ALPK1: variants seen among roughly 807,000 people sequenced by gnomAD.
The protein encoded by ALPK1 is alpha kinase 1.
In ALPK1, 110 loss-of-function variants were observed where a neutral mutation model predicts 120.6. That is an observed-to-expected ratio of 0.91 (90% CI 0.78 to 1.07). The LOEUF is 1.07. Among genes scored for constraint, ALPK1 ranks in the 50% least tolerant of loss-of-function variants. ALPK1 has a pLI of 0.00. For missense variants in ALPK1, 1,498 were observed against 1,483.9 expected (o/e 1.01, Z -0.16); for synonymous variants, 582 against 560.3 (o/e 1.04, Z -0.55).
At position 112,439,668 on chromosome 4, in the gene ALPK1, C is replaced by T. The variant is rs777361113; in HGVS notation, c.3352-18C>T. 17 of 1,589,196 alleles carry T rather than the reference C, an allele frequency of 1.1e-5. No individual in the cohort carries two copies. The Admixed American group carries it at 1.1e-4, about 10-fold the overall frequency. ...CCTTTACCATTATGCTGTAATGTTTCTCATTGCTATTTTTCAGATTTTAGA... is the reference window on the plus strand; with the variant it reads ...CCTTTACCATTATGCTGTAATGTTTTTCATTGCTATTTTTCAGATTTTAGA... On this transcript the variant is annotated intron_variant, in intron 13 of 15. Transcript: ENST00000650871.
intron 1 of ALPK1, chr4:112,302,284 T>C (rs889236965): frequency 6.6e-6 from 1 of 152,208 alleles, no homozygotes; most frequent in Admixed American, 6.5e-5. Context: ...CCTAAAGGCT[T>C]CTGGAGAAAA....
chr4:112,402,479 T>C (rs1321262861), intron 4 of ALPK1, among the ~76,000 whole-genome samples: 1 of 152,234 alleles, frequency 6.6e-6, no homozygotes, highest in Non-Finnish European at 1.5e-5. Flanking sequence ...CATCTGTGTA[T>C]CGAAATCTCA....
At chr4:112,367,329 T>G (rs978497039) in intron 2 of ALPK1, among the ~76,000 whole-genome samples, 7 of 152,236 alleles carry the variant, frequency 4.6e-5, no homozygotes. Context: ...TATTAACTGG[T>G]TATTTCTAGT....
At chr4:112,307,527 T>C (rs974619590) in intron 1 of ALPK1, among the ~76,000 whole-genome samples, 2 of 152,112 alleles carry the variant, frequency 1.3e-5, no homozygotes, top group Non-Finnish European at 2.9e-5. Context: ...CTTTTGATCT[T>C]TGTTGGTTTA....
At chr4:112,363,627 C>T (rs1296079447) in intron 2 of ALPK1, among the ~76,000 whole-genome samples, 7 of 151,996 alleles carry the variant, frequency 4.6e-5, no homozygotes, top group South Asian at 4.1e-4. Flanking sequence ...AGTACTCCAC[C>T]GACAGCACTA....
chr4:112,400,545 T>G (rs1185282624), intron 4 of ALPK1, among the ~76,000 whole-genome samples: 1 of 152,176 alleles, frequency 6.6e-6, no homozygotes, highest in Non-Finnish European at 1.5e-5. Context: ...AATCATAAAT[T>G]TAAAGTATCA....
At chr4:112,389,674 G>C (rs1258242883) in intron 4 of ALPK1, among the ~76,000 whole-genome samples, 1 of 152,218 alleles carries the variant, frequency 6.6e-6, no homozygotes, top group Non-Finnish European at 1.5e-5. Flanking sequence ...TAAGATTTCA[G>C]TCTTGCAATG....
chr4:112,427,473 T>C (rs1734289382), intron 8 of ALPK1, 97 bp from the exon 9 acceptor site: 2 of 714,866 alleles, frequency 2.8e-6, no homozygotes, highest in Non-Finnish European at 4.8e-6. Flanking sequence ...AGGCAAATAG[T>C]TCATATGGAG....
intron 2 of ALPK1, among the ~76,000 whole-genome samples, chr4:112,324,973 A>G (rs1051761312): frequency 1.9e-5 from 2 of 107,458 alleles, no homozygotes; most frequent in African/African-American, 7.0e-5. Flanking sequence ...AACCAAAAAA[A>G]AGGGGGGGGG....
intron 2 of ALPK1, chr4:112,357,541 A>G: frequency 1.8e-6 from 2 of 1,094,624 alleles, no homozygotes; most frequent in Non-Finnish European, 1.4e-6. Flanking sequence ...CATCTGCTTT[A>G]TCATCCTCAC....
At chr4:112,401,339 G>C (rs1732906127) in intron 4 of ALPK1, among the ~76,000 whole-genome samples, 1 of 152,208 alleles carries the variant, frequency 6.6e-6, no homozygotes, top group African/African-American at 2.4e-5. Flanking sequence ...TGAATTGTAT[G>C]GGTGTCCCAG....
At chr4:112,342,972 A>T (rs1729925071) in intron 2 of ALPK1, 1 of 152,580 alleles carries the variant, frequency 6.6e-6, no homozygotes, top group African/African-American at 2.4e-5. Flanking sequence ...GGTACAGAAC[A>T]AGTAAATGTT....
chr4:112,384,425 G>T (rs1297433955), intron 4 of ALPK1: 2 of 152,194 alleles, frequency 1.3e-5, no homozygotes, highest in African/African-American at 2.4e-5. Context: ...GAATGGGACC[G>T]AAGAACTGAA....
rs112649986 is a variant in ALPK1 at position 112,316,746 on chromosome 4, A to T, written c.-101+894A>T. Reference sequence around the variant, plus strand: ...TAGTGATATTGGGGACTTTTTCTGTACTTATTGGCCATTTGTATATCTTCT... The same window carrying T: ...TAGTGATATTGGGGACTTTTTCTGTTCTTATTGGCCATTTGTATATCTTCT... On this transcript the variant is annotated intron_variant, in intron 2 of 15. Transcript: ENST00000650871. Among the ~76,000 whole-genome samples the T allele has an allele frequency of 3.3e-5, 5 of 151,260 alleles. 2 individuals are homozygous for T. Among genetic ancestry groups the T allele is most frequent in the African/African-American group, 1.2e-4 (5 of 41,212 alleles).
At chr4:112,348,761 T>C (rs1274244526) in intron 2 of ALPK1, among the ~76,000 whole-genome samples, 1 of 152,186 alleles carries the variant, frequency 6.6e-6, no homozygotes, top group Non-Finnish European at 1.5e-5. Flanking sequence ...AGCCACATGG[T>C]GGACTTTCAT....
At chr4:112,437,609 C>T (rs1734844061) in intron 12 of ALPK1, among the ~76,000 whole-genome samples, 1 of 152,178 alleles carries the variant, frequency 6.6e-6, no homozygotes, top group African/African-American at 2.4e-5. Context: ...GTATGGCATC[C>T]CTATTACAAC....
At chr4:112,369,438 T>C (rs1731298642) in intron 2 of ALPK1, among the ~76,000 whole-genome samples, 1 of 152,222 alleles carries the variant, frequency 6.6e-6, no homozygotes, top group Non-Finnish European at 1.5e-5. Flanking sequence ...GGTGCCTGAT[T>C]AGAGAAATGT....
At chr4:112,327,267 T>C (rs74550378) in intron 2 of ALPK1, among the ~76,000 whole-genome samples, 1,641 of 152,354 alleles carry the variant, frequency 0.011, 35 homozygotes, top group African/African-American at 0.037. Flanking sequence ...TCACCTCTTG[T>C]AGCCTCAGAT....
At chr4:112,303,976 A>G (rs1173849427) in intron 1 of ALPK1, among the ~76,000 whole-genome samples, 1 of 151,450 alleles carries the variant, frequency 6.6e-6, no homozygotes, top group Non-Finnish European at 1.5e-5. Flanking sequence ...TTCAGTTCCC[A>G]CCTATGAGTG....
Sources: gnomAD v4.1 joint callset for allele counts (sites outside exome capture counted in the v4.1 genomes callset) on GRCh38, gnomAD v4.1.1 for gene constraint, MANE v1.5 for transcripts, NCBI Gene and HGNC (gene_info 2026-07-23, HGNC 2026-07-21) for gene names.